NRXN1: variants seen among roughly 807,000 people sequenced by gnomAD.
NRXN1 encodes neurexin-1.
A neutral mutation model predicts 150.9 loss-of-function variants in NRXN1; 39 were observed. The observed-to-expected ratio is 0.26, with a 90% CI of 0.20 to 0.34. The LOEUF (loss-of-function observed/expected upper bound fraction) is 0.34. NRXN1 is among the 10% of genes least tolerant of loss of function. The pLI is 1.00. For missense variants in NRXN1, 1,815 were observed against 1,949.9 expected, an observed-to-expected ratio of 0.93 and a Z score of 1.30; for synonymous variants, 924 against 757.0, an observed-to-expected ratio of 1.22 and a Z score of -3.62.
chr2:51,004,911 T>A (rs1477984136), intron 2 of NRXN1, among the ~76,000 whole-genome samples: 1 of 151,880 alleles, frequency 6.6e-6, no homozygotes, highest in African/African-American at 2.4e-5. Flanking sequence ...AAATATTAAT[T>A]TTAGACTATA....
At chr2:50,570,973 A>G (rs1670582606) in intron 8 of NRXN1, among the ~76,000 whole-genome samples, 1 of 152,180 alleles carries the variant, frequency 6.6e-6, no homozygotes, top group Admixed American at 6.6e-5. Context: ...TCACTCAGTT[A>G]CTAGATTCAG....
chr2:50,221,976 G>A (rs1209725033), intron 18 of NRXN1, among the ~76,000 whole-genome samples: 2 of 152,006 alleles, frequency 1.3e-5, no homozygotes, highest in African/African-American at 2.4e-5. Flanking sequence ...ACATTTAAAA[G>A]CCTGTCACGT....
intron 12 of NRXN1, among the ~76,000 whole-genome samples, chr2:50,513,381 G>A (rs2092526341): frequency 6.6e-6 from 1 of 152,122 alleles, no homozygotes; most frequent in Non-Finnish European, 1.5e-5. Flanking sequence ...CTGCAGTCTA[G>A]TTTTTTGAAA....
chr2:50,712,530 A>G (rs1157718110), intron 5 of NRXN1, among the ~76,000 whole-genome samples: 1 of 152,116 alleles, frequency 6.6e-6, no homozygotes, highest in Admixed American at 6.6e-5. Flanking sequence ...GTCCTTATAT[A>G]TCCTTTTGCA....
chr2:50,259,646 C>A (rs1380268755), intron 17 of NRXN1, among the ~76,000 whole-genome samples: 5 of 151,816 alleles, frequency 3.3e-5, no homozygotes, highest in African/African-American at 9.7e-5. Context: ...TTAAAATATT[C>A]TCCAAATGTA....
At chr2:50,895,786 G>T (rs545158435) in intron 5 of NRXN1, among the ~76,000 whole-genome samples, 2 of 151,964 alleles carry the variant, frequency 1.3e-5, no homozygotes, top group East Asian at 3.9e-4. Context: ...CACCATGTCA[G>T]CCAGGCTTGT....
chr2:50,046,676 T>C (rs1194294395), intron 21 of NRXN1, among the ~76,000 whole-genome samples: 1 of 152,156 alleles, frequency 6.6e-6, no homozygotes, highest in African/African-American at 2.4e-5. Flanking sequence ...GGTAGGAAAC[T>C]GAGGTCTAAG....
At chr2:50,577,208 G>A (rs908317720) in intron 8 of NRXN1, among the ~76,000 whole-genome samples, 3 of 151,784 alleles carry the variant, frequency 2.0e-5, no homozygotes, top group Non-Finnish European at 4.4e-5. Flanking sequence ...ACTATTATGG[G>A]GACGTAAAAG....
At chr2:50,050,598 C>T (rs1475937037) in intron 21 of NRXN1, among the ~76,000 whole-genome samples, 1 of 151,978 alleles carries the variant, frequency 6.6e-6, no homozygotes, top group African/African-American at 2.4e-5. Context: ...GATGCTTCAT[C>T]CAACCTGTAA....
At chr2:50,738,598 T>C (rs1699050637) in intron 5 of NRXN1, among the ~76,000 whole-genome samples, 1 of 152,180 alleles carries the variant, frequency 6.6e-6, no homozygotes, top group South Asian at 2.1e-4. Flanking sequence ...TTGTGGAAAT[T>C]GGCAGATAAT....
At chr2:50,851,351 C>A (rs1189243521) in intron 5 of NRXN1, among the ~76,000 whole-genome samples, 1 of 152,094 alleles carries the variant, frequency 6.6e-6, no homozygotes, top group African/African-American at 2.4e-5. Flanking sequence ...CAGGGACTCT[C>A]AAAGACAATA....
chr2:50,465,645 T>C (rs958220658), intron 16 of NRXN1, 84 bp from the exon 17 acceptor site: 1 of 1,400,786 alleles, frequency 7.1e-7, no homozygotes. Flanking sequence ...ATGTAGTAGT[T>C]GCCAACACCA....
intron 17 of NRXN1, among the ~76,000 whole-genome samples, chr2:50,357,599 C>T (rs971100794): frequency 5.9e-5 from 9 of 152,046 alleles, no homozygotes; most frequent in South Asian, 2.1e-4. Flanking sequence ...TGAGCTACCG[C>T]GCCCAGGCAT....
At chr2:50,117,435 TAC>T (rs1319956727) in intron 18 of NRXN1, among the ~76,000 whole-genome samples, 1 of 152,132 alleles carries the variant, frequency 6.6e-6, no homozygotes. Flanking sequence ...ATAATTTAAA[TAC>T]AGTCATAAAC....
chr2:50,375,667 T>A (rs1215085437), intron 17 of NRXN1, among the ~76,000 whole-genome samples: 1 of 151,372 alleles, frequency 6.6e-6, no homozygotes, highest in East Asian at 2.0e-4. Context: ...CTATTACTAT[T>A]GCAATAGCAA....
rs1337752183 is a variant in NRXN1 at position 50,347,202 on chromosome 2, G to A, written c.3365-110232C>T. 2 of 1,347,534 alleles carry A rather than the reference G, an allele frequency of 1.5e-6. No individual in the cohort carries two copies. The allele number at this position is 1,347,534 out of a possible 1,614,324, so 83.5% of individuals were successfully genotyped here. On this transcript the variant is annotated intron_variant, in intron 17 of 22. Coordinates refer to ENST00000401669, the MANE Select transcript of NRXN1 (RefSeq NM_001330078.2). This position sits in a 1 kb window ranked among gnomAD's most constrained non-coding sequence, Gnocchi z 4.9. ...GGAGAGGGGCTTGTCCGGAAAGGCA[G>A]CCCCGGGAACAGCAAGCGCGGAGCG...
At chr2:50,815,253 T>A (rs1668763876) in intron 5 of NRXN1, among the ~76,000 whole-genome samples, 1 of 152,162 alleles carries the variant, frequency 6.6e-6, no homozygotes. Context: ...CGATCTCCAG[T>A]GCAGAGGTGC....
chr2:49,973,977 T>C, intron 21 of NRXN1: 1 of 717,378 alleles, frequency 1.4e-6, no homozygotes, highest in South Asian at 1.5e-5. Flanking sequence ...CCTGCAAGTT[T>C]TCACAGTGCC....
chr2:50,817,178 T>C (rs1443345835), intron 5 of NRXN1, among the ~76,000 whole-genome samples: 2 of 152,044 alleles, frequency 1.3e-5, no homozygotes, highest in Non-Finnish European at 2.9e-5. Context: ...GTAAATATTT[T>C]CCCAGTTAGA....
Sources: allele counts gnomAD v4.1 joint callset (sites outside exome capture counted in the v4.1 genomes callset), GRCh38; gene constraint gnomAD v4.1.1; non-coding constraint Gnocchi (gnomAD v3.1); transcripts MANE v1.5; gene names NCBI Gene and HGNC (gene_info 2026-07-23, HGNC 2026-07-21).